Variants in NBAS observed in about 807,000 individuals in gnomAD.
The protein encoded by NBAS is NAG/BC035112 fusion.
A neutral mutation model predicts 302.5 loss-of-function variants in NBAS; 219 were observed. The ratio of observed to expected loss-of-function variants is 0.72; its 90% CI spans 0.65 to 0.81. NBAS has a LOEUF of 0.81. Ranked by LOEUF, NBAS falls within the 30% of genes least tolerant of loss-of-function variation. The pLI is 0.00. For synonymous variants in NBAS, 1,118 were observed against 1,021.6 expected (o/e 1.09, Z -1.80); for missense variants, 2,932 against 2,841.6 (o/e 1.03, Z -0.72).
At chr2:14,914,299 C>A in the NBAS span, among the ~76,000 whole-genome samples, 1 of 152,154 alleles carries the variant, frequency 6.6e-6, no homozygotes, top group Non-Finnish European at 1.5e-5. Flanking sequence ...AGACTGACAG[C>A]AGTTTATTAA....
At chr2:15,109,418 T>G in the NBAS span, among the ~76,000 whole-genome samples, 34 of 152,278 alleles carry the variant, frequency 2.2e-4, no homozygotes, top group African/African-American at 8.2e-4. Context: ...TCCCTGCTCC[T>G]TACCCCATGG....
chr2:14,847,613 A>G, the NBAS span, among the ~76,000 whole-genome samples: 1 of 152,118 alleles, frequency 6.6e-6, no homozygotes, highest in African/African-American at 2.4e-5. Context: ...TATGCACCCA[A>G]CACTGGAGCA....
intron 28 of NBAS, among the ~76,000 whole-genome samples, chr2:15,392,821 G>A (rs1251871674): frequency 1.3e-5 from 2 of 151,056 alleles, no homozygotes; most frequent in Non-Finnish European, 3.0e-5. Flanking sequence ...AACTTTGGGG[G>A]AAAAAAAACA....
chr2:15,431,640 T>C (rs540586201), intron 21 of NBAS, among the ~76,000 whole-genome samples: 161 of 152,272 alleles, frequency 1.1e-3, no homozygotes, highest in African/African-American at 3.6e-3. Context: ...GATTGGAATA[T>C]AGCAATGGAA....
chr2:15,045,213 G>A, the NBAS span, among the ~76,000 whole-genome samples: 2 of 152,192 alleles, frequency 1.3e-5, no homozygotes, highest in South Asian at 4.1e-4. Context: ...AAAATACAAT[G>A]CGACATGATC....
intron 24 of NBAS, among the ~76,000 whole-genome samples, chr2:15,416,101 G>C (rs1373526704): frequency 6.6e-6 from 1 of 152,064 alleles, no homozygotes; most frequent in Non-Finnish European, 1.5e-5. Context: ...GAGAGAGAGA[G>C]AGAGAGAGTA....
chr2:15,035,613 G>GATAA, the NBAS span, among the ~76,000 whole-genome samples: 2 of 152,158 alleles, frequency 1.3e-5, no homozygotes, highest in Admixed American at 1.3e-4. Flanking sequence ...TGAGAGACCG[G>GATAA]ATAAAGAAAA....
At chr2:15,556,724 A>G in intron 3 of NBAS, 59 bp downstream of exon 3, 1 of 1,424,840 alleles carries the variant, frequency 7.0e-7, no homozygotes, top group Non-Finnish European at 9.9e-7. Flanking sequence ...AATCATATAT[A>G]GAACAATATT....
chr2:15,383,254 C>T lies in NBAS; in HGVS notation c.3321G>A (p.Gln1107=). The change falls in exon 29 of 52, where the codon CAG becomes CAA. Residue 1107 remains glutamine (Q), a synonymous_variant. Coordinates refer to ENST00000281513, the MANE Select transcript of NBAS (RefSeq NM_015909.4). ...CAGAATCTAGACATGTGTATACATT[C>T]TGCTGCATAGTTAACATGTCTTGCA... The part of the protein sequence containing the change: ...TLLQDMLTMQ[Q]NVYTCLDSDA... 1 of 1,614,038 alleles carries T rather than the reference C, an allele frequency of 6.2e-7. No homozygotes were observed.
the NBAS span, among the ~76,000 whole-genome samples, chr2:15,008,779 T>C: frequency 1.3e-5 from 2 of 152,220 alleles, no homozygotes; most frequent in Non-Finnish European, 2.9e-5. Flanking sequence ...CACAGCCAGA[T>C]TGGGTATTTA....
chr2:14,840,353 G>A, the NBAS span, among the ~76,000 whole-genome samples: 1 of 151,984 alleles, frequency 6.6e-6, no homozygotes, highest in African/African-American at 2.4e-5. Flanking sequence ...AAAACAAGGG[G>A]TGGAAATCTT....
At chr2:15,537,703 T>C (rs917604561) in intron 7 of NBAS, among the ~76,000 whole-genome samples, 14 of 152,314 alleles carry the variant, frequency 9.2e-5, no homozygotes, top group African/African-American at 3.4e-4. Context: ...AGCAAGACTC[T>C]ATCTTTAAAA....
At chr2:14,901,570 GAATT>G in the NBAS span, among the ~76,000 whole-genome samples, 11 of 151,874 alleles carry the variant, frequency 7.2e-5, no homozygotes, top group African/African-American at 2.7e-4. Context: ...GAGGAAAAGA[GAATT>G]AACAATAAAT....
the NBAS span, among the ~76,000 whole-genome samples, chr2:15,091,255 G>A: frequency 7.0e-6 from 1 of 143,856 alleles, no homozygotes; most frequent in Non-Finnish European, 1.5e-5. Flanking sequence ...AGCTCTCTCA[G>A]AGACCATCTA....
chr2:15,454,808 T>A (rs1373411699), intron 21 of NBAS, among the ~76,000 whole-genome samples: 3 of 152,146 alleles, frequency 2.0e-5, no homozygotes, highest in Non-Finnish European at 4.4e-5. Context: ...ATACTCACCT[T>A]CCATAAGCAA....
Position 15,361,134 on chromosome 2 carries a change from A to G in NBAS, c.3818-4718T>C, listed in dbSNP as rs10187759. Among the ~76,000 whole-genome samples, 1,473 of 152,302 alleles carry G rather than the reference A, an allele frequency of 9.7e-3. 18 individuals are homozygous for G. Among genetic ancestry groups the G allele is most frequent in the African/African-American group, 0.034 (1,394 of 41,574 alleles). The stretch of plus-strand genomic sequence containing the variant: ...GAATTTTCAGCTCTATTTTAATTTT[A>G]TGGAACCACCATTGCATATGAGATC... On this transcript the variant is annotated intron_variant, in intron 32 of 51. Coordinates refer to ENST00000281513, the MANE Select transcript of NBAS (RefSeq NM_015909.4).
chr2:14,809,406 C>T, the NBAS span, among the ~76,000 whole-genome samples: 1 of 152,202 alleles, frequency 6.6e-6, no homozygotes, highest in South Asian at 2.1e-4. Flanking sequence ...CCACTCTAGC[C>T]ATGGCTAACA....
At chr2:14,979,242 T>G in the NBAS span, among the ~76,000 whole-genome samples, 2 of 152,144 alleles carry the variant, frequency 1.3e-5, no homozygotes, top group African/African-American at 4.8e-5. Flanking sequence ...CAAAGAAGAT[T>G]TATAGGAAAG....
chr2:14,957,900 G>T, the NBAS span, among the ~76,000 whole-genome samples: 2 of 152,162 alleles, frequency 1.3e-5, no homozygotes, highest in Non-Finnish European at 2.9e-5. Context: ...AGCAACATTT[G>T]GGGACATGCC....
Sources: gnomAD v4.1 joint callset for allele counts (sites outside exome capture counted in the v4.1 genomes callset) on GRCh38, gnomAD v4.1.1 for gene constraint, MANE v1.5 for transcripts, NCBI Gene and HGNC (gene_info 2026-07-23, HGNC 2026-07-21) for gene names.